ZKSCAN3: variants seen among roughly 807,000 people sequenced by gnomAD.
ZKSCAN3 encodes zinc finger with KRAB and SCAN domains 3.
Under a neutral mutation model 30.7 loss-of-function variants are expected in ZKSCAN3, and 21 were observed. The observed-to-expected ratio is 0.68, with a 90% CI of 0.49 to 0.99. The LOEUF is 0.99. Among genes scored for constraint, ZKSCAN3 ranks in the 50% least tolerant of loss-of-function variants. ZKSCAN3 has a pLI of 0.00. For missense variants in ZKSCAN3, 507 were observed against 647.1 expected, an observed-to-expected ratio of 0.78 and a Z score of 2.35; for synonymous variants, 201 against 246.7, an observed-to-expected ratio of 0.81 and a Z score of 1.73.
At position 28,359,691 on chromosome 6, in the gene ZKSCAN3, C is replaced by T. The variant is rs1765650973; in HGVS notation, c.105C>T (p.Pro35=). 1 of 1,614,208 alleles carries T rather than the reference C, an allele frequency of 6.2e-7. No individual in the cohort carries two copies. Among genetic ancestry groups the T allele is most frequent in the African/African-American group, 1.3e-5 (1 of 75,050 alleles). The part of the protein sequence containing the change: ...IKVEEEEAGF[P]SSPDLGSEGS... ...TGGAGGAAGAAGAAGCCGGTTTTCC[C>T]AGTAGCCCAGATCTGGGTTCTGAGG... The change falls in exon 2 of 6, where the codon CCC becomes CCT. Residue 35 remains proline (P), a synonymous_variant. Transcript: ENST00000252211.
At chr6:28,360,154 A>T (rs1386852209) in intron 2 of ZKSCAN3, 166 bp downstream of exon 2, 12 of 1,204,990 alleles carry the variant, frequency 1.0e-5, no homozygotes, top group Non-Finnish European at 1.4e-5. Flanking sequence ...TCTCAGAATA[A>T]TTTTTTTTTT....
chr6:28,363,648 A>G (rs1765850737), intron 4 of ZKSCAN3, 44 bp from the exon 5 acceptor site: 2 of 1,611,732 alleles, frequency 1.2e-6, no homozygotes, highest in Non-Finnish European at 1.7e-6. Context: ...CCACTCCACC[A>G]TTTTGGTCAG....
Position 28,359,632 on chromosome 6 carries a change from A to G in ZKSCAN3, c.46A>G (p.Thr16Ala), listed in dbSNP as rs766745003. 1.2e-6 allele frequency: 2 copies of G among 1,614,250 alleles called. No individual in the cohort carries two copies. Among genetic ancestry groups the G allele is most frequent in the Middle Eastern group, 1.6e-4 (1 of 6,062 alleles). The change falls in exon 2 of 6, where the codon ACA (threonine) becomes GCA (alanine). Residue 16 changes from threonine to alanine, a missense_variant. Physicochemically the swap from Thr to Ala is moderately conservative, Grantham distance 58. Transcript: ENST00000252211. ...AAGCACAGCCCTGGATGCCCAGTCT[A>G]CAGAAGACCAGATGGAGCTTCTGGT... is the stretch of plus-strand genomic sequence containing the variant. ...SESTALDAQS[T>A]EDQMELLVIK...
rs1766020679 is a variant in ZKSCAN3 at position 28,367,703 on chromosome 6, C to T, written c.*1418C>T. On this transcript the variant is annotated 3_prime_UTR_variant, in exon 6 of 6. Coordinates refer to ENST00000252211, the MANE Select transcript of ZKSCAN3 (RefSeq NM_024493.4). ...CCTGCTAAGTTCATACTTTCTCCAG[C>T]TCAATGGATTCACACCAAATTTTTT... 1 of 150,692 alleles carries T rather than the reference C, an allele frequency of 6.6e-6. No homozygotes were observed. Among genetic ancestry groups the T allele is most frequent in the Admixed American group, 6.6e-5 (1 of 15,058 alleles). The allele number at this position is 150,692 out of a possible 1,614,324, so 9.3% of individuals were successfully genotyped here. A position where few individuals can be genotyped will look rare whatever the true frequency, so the allele number is the denominator to read the frequency against.
At chr6:28,355,951 T>G (rs536945721) in intron 1 of ZKSCAN3, 9 of 152,386 alleles carry the variant, frequency 5.9e-5, no homozygotes, top group Admixed American at 5.9e-4. Context: ...ACCCACAGCC[T>G]GTCCTCAGGC....
At chr6:28,357,003 G>A (rs1481320363) in intron 1 of ZKSCAN3, among the ~76,000 whole-genome samples, 1 of 152,248 alleles carries the variant, frequency 6.6e-6, no homozygotes, top group Non-Finnish European at 1.5e-5. Context: ...AAGAACACTC[G>A]AGAGACAGCA....
At chr6:28,362,298 T>C (rs1183918687) in intron 3 of ZKSCAN3, among the ~76,000 whole-genome samples, 1 of 152,178 alleles carries the variant, frequency 6.6e-6, no homozygotes, top group African/African-American at 2.4e-5. Context: ...ATGCAGAAAG[T>C]AAACAGAATC....
At position 28,366,123 on chromosome 6, in the gene ZKSCAN3, T is replaced by G. The variant is rs1175410081; in HGVS notation, c.1455T>G (p.Cys485Trp). 6.2e-7 allele frequency: 1 copy of G among 1,610,804 alleles called. No individual in the cohort carries two copies. Among genetic ancestry groups the G allele is most frequent in the Non-Finnish European group, 8.5e-7 (1 of 1,178,920 alleles). Residue 485 changes from cysteine to tryptophan, a missense_variant, in exon 6 of 6, where the codon TGT becomes TGG. Coordinates refer to ENST00000252211, the MANE Select transcript of ZKSCAN3 (RefSeq NM_024493.4). ...CCATGTCTTATAAATGTAATGAGTG[T>G]GAAAGAAGTTTCACTCAGAATACAG... The part of the protein sequence containing the change: ...ETPMSYKCNE[C>W]ERSFTQNTGL...
chr6:28,358,899 G>GAA (rs201554097), intron 1 of ZKSCAN3, among the ~76,000 whole-genome samples: 98 of 106,040 alleles, frequency 9.2e-4, no homozygotes, highest in African/African-American at 2.9e-3. Flanking sequence ...AAACAAATAA[G>GAA]AAAAAAAAAA....
At chr6:28,364,212 G>A (rs1765872097) in intron 5 of ZKSCAN3, among the ~76,000 whole-genome samples, 1 of 152,178 alleles carries the variant, frequency 6.6e-6, no homozygotes, top group African/African-American at 2.4e-5. Flanking sequence ...CAGGGCTCAA[G>A]CAATCTTCCT....
chr6:28,363,150 C>T (rs1375445733), intron 3 of ZKSCAN3, among the ~76,000 whole-genome samples, 153 bp from the exon 4 acceptor site: 1 of 150,588 alleles, frequency 6.6e-6, no homozygotes, highest in African/African-American at 2.4e-5. Flanking sequence ...GGCTGGAGTG[C>T]AGTGGCTCAA....
At position 28,366,408 on chromosome 6, in the gene ZKSCAN3, A is replaced by G; in HGVS notation, c.*123A>G. ...TTACCACTACACATTATCAGGTGTT[A>G]GAAAATGTAGACTGGGTTAGACAAA... is the stretch of plus-strand genomic sequence containing the variant. On this transcript the variant is annotated 3_prime_UTR_variant, in exon 6 of 6. Coordinates refer to ENST00000252211, the MANE Select transcript of ZKSCAN3 (RefSeq NM_024493.4). The G allele has an allele frequency of 9.1e-7, 1 of 1,101,998 alleles. No homozygotes were observed. Among genetic ancestry groups the G allele is most frequent in the Non-Finnish European group, 1.2e-6 (1 of 807,424 alleles). 68.3% of individuals were successfully genotyped at this position (1,101,998 alleles called of 1,614,324 possible).
At chr6:28,365,392 A>T in intron 5 of ZKSCAN3, 34 bp from the exon 6 acceptor site, 1 of 1,577,824 alleles carries the variant, frequency 6.3e-7, no homozygotes, top group Non-Finnish European at 8.6e-7. Context: ...CTTCCATGGC[A>T]TAAGCCACAG....
upstream of ZKSCAN3, chr6:28,349,942 G>A (rs1239950733): frequency 6.6e-6 from 1 of 152,228 alleles, no homozygotes; most frequent in Non-Finnish European, 1.5e-5. The surrounding 1 kb of genome is among the most constrained non-coding windows in gnomAD (Gnocchi z 4.1). Context: ...CCCTGCGGGT[G>A]GTTTGCTAGT....
chr6:28,366,405 GT>G lies in ZKSCAN3; in HGVS notation c.*122del. ...TATTTACCACTACACATTATCAGGT[GT>G]TAGAAAATGTAGACTGGGTTAGACA... On this transcript the variant is annotated 3_prime_UTR_variant, in exon 6 of 6. Coordinates refer to ENST00000252211, the MANE Select transcript of ZKSCAN3 (RefSeq NM_024493.4). 8.8e-7 allele frequency: 1 copy of G among 1,131,464 alleles called. No homozygotes were observed. Among genetic ancestry groups the G allele is most frequent in the Non-Finnish European group, 1.2e-6 (1 of 834,468 alleles). The allele number at this position is 1,131,464 out of a possible 1,614,324, so 70.1% of individuals were successfully genotyped here.
rs1296454634 is a variant in ZKSCAN3 at position 28,359,732 on chromosome 6, T to A, written c.146T>A (p.Phe49Tyr). Residue 49 changes from phenylalanine (F) to tyrosine (Y), a missense_variant, in exon 2 of 6, where the codon TTC becomes TAC. Physicochemically the swap from Phe to Tyr is conservative, Grantham distance 22. Coordinates refer to ENST00000252211, the MANE Select transcript of ZKSCAN3 (RefSeq NM_024493.4). Reference sequence around the variant, plus strand: ...GGTTCTGAGGGCTCCCGCGAGCGCTTCCGAGGCTTCCGCTACCCGGAGGCT... The same window carrying A: ...GGTTCTGAGGGCTCCCGCGAGCGCTACCGAGGCTTCCGCTACCCGGAGGCT... ...DLGSEGSRER[F>Y]RGFRYPEAAG... The A allele has an allele frequency of 6.2e-7, 1 of 1,613,986 alleles. No homozygotes were observed. The highest frequency in any genetic ancestry group is 8.5e-7 in the Non-Finnish European group (1 of 1,180,040).
At chr6:28,358,131 C>G (rs1368493700) in intron 1 of ZKSCAN3, among the ~76,000 whole-genome samples, 1 of 152,190 alleles carries the variant, frequency 6.6e-6, no homozygotes, top group African/African-American at 2.4e-5. Flanking sequence ...TGTGGATGCT[C>G]AAGTCTTACA....
chr6:28,352,097 A>G (rs887604417), intron 1 of ZKSCAN3, among the ~76,000 whole-genome samples: 3 of 151,806 alleles, frequency 2.0e-5, no homozygotes, highest in Non-Finnish European at 4.4e-5. Context: ...GACAGTTCCC[A>G]TTCCCTCCCA....
In ZKSCAN3 at chr6:28,361,452, C is replaced by T; in HGVS notation, c.531C>T (p.Ser177=). 6.2e-7 allele frequency: 1 copy of T among 1,611,530 alleles called. No homozygotes were observed. The highest frequency in any genetic ancestry group is 8.5e-7 in the Non-Finnish European group (1 of 1,179,338). The part of the protein sequence containing the change: ...KALLKHESVG[S]QPLQDRVLQV... ...TGCTCAAGCATGAATCTGTGGGATC[C>T]CAGCCTTTACAAGATAGAGGTAAGG... Residue 177 remains serine, a synonymous_variant, in exon 3 of 6, where the codon TCC becomes TCT. Transcript: ENST00000252211.
Sources: allele counts gnomAD v4.1 joint callset (sites outside exome capture counted in the v4.1 genomes callset), GRCh38; gene constraint gnomAD v4.1.1; non-coding constraint Gnocchi (gnomAD v3.1); transcripts MANE v1.5; gene names NCBI Gene and HGNC (gene_info 2026-07-23, HGNC 2026-07-21).